Variants in EFR3A observed in about 807,000 individuals in gnomAD.
EFR3A encodes the protein protein EFR3 homolog A.
In EFR3A, 76 loss-of-function variants were observed where a neutral mutation model predicts 104.4. That is an observed-to-expected ratio of 0.73 (90% CI 0.60 to 0.88). EFR3A has a LOEUF of 0.88. Among genes scored for constraint, EFR3A ranks in the 40% least tolerant of loss-of-function variants. The pLI is 0.00. For missense variants in EFR3A, 985 were observed against 1,012.5 expected (o/e 0.97, Z 0.37); for synonymous variants, 330 against 330.0 (o/e 1.00, Z 0.00).
At chr8:131,945,260 G>GC (rs1400003748) in intron 3 of EFR3A, among the ~76,000 whole-genome samples, 2 of 151,712 alleles carry the variant, frequency 1.3e-5, no homozygotes, top group African/African-American at 4.8e-5. Context: ...TTTTCACACA[G>GC]CTTCAGTTTT....
chr8:131,955,919 G>A lies in EFR3A; in HGVS notation c.776+14G>A. 1.2e-6 allele frequency: 2 copies of A among 1,610,474 alleles called. No individual in the cohort carries two copies. Among genetic ancestry groups the A allele is most frequent in the Non-Finnish European group, 1.7e-6 (2 of 1,177,876 alleles). ...ACCAGTTTTTGCGTAAGTAGTTGGT[G>A]TTTTCCTGGTTATTTGTGATTTTGC... is the stretch of plus-strand genomic sequence containing the variant. On this transcript the variant is annotated intron_variant, in intron 7 of 22. Transcript: ENST00000254624.
At chr8:131,945,615 T>C (rs1415779611) in intron 3 of EFR3A, among the ~76,000 whole-genome samples, 4 of 152,044 alleles carry the variant, frequency 2.6e-5, no homozygotes, top group African/African-American at 9.7e-5. Flanking sequence ...ATCCAAAGAC[T>C]GAATTTTAAT....
rs762663566 is a variant in EFR3A, at chr8:131,956,677, G to A, written c.776+772G>A. On this transcript the variant is annotated intron_variant, in intron 7 of 22. Coordinates refer to ENST00000254624, the MANE Select transcript of EFR3A (RefSeq NM_015137.6). ...AATTCTTTATTTAGGACAGATGGATGTTCTTAGCCTAGAGTTCAAAGTTGA... is the reference window on the plus strand; with the variant it reads ...AATTCTTTATTTAGGACAGATGGATATTCTTAGCCTAGAGTTCAAAGTTGA... 5.3e-5 allele frequency among the ~76,000 whole-genome samples: 8 copies of A among 152,242 alleles called. No individual in the cohort carries two copies. The South Asian group carries it at 1.0e-3, about 20-fold the overall frequency.
chr8:131,904,286 GC>G lies in EFR3A; in HGVS notation c.-26del, dbSNP rs1816126871. 2 of 1,270,986 alleles carry G rather than the reference GC, an allele frequency of 1.6e-6. No individual in the cohort carries two copies. Among genetic ancestry groups the G allele is most frequent in the Admixed American group, 8.0e-5 (2 of 24,946 alleles). 78.7% of individuals were successfully genotyped at this position (1,270,986 alleles called of 1,614,324 possible). A position where few individuals can be genotyped will look rare whatever the true frequency, so the allele number is the denominator to read the frequency against. On this transcript the variant is annotated 5_prime_UTR_variant, in exon 1 of 23. Transcript: ENST00000254624. ...CTGCGCGGCCCCGCTGAGCCTCGGT[GC>G]GGCGGCGAGCGCGGTCGAGATCGCC...
chr8:131,915,546 G>T (rs1307801082), intron 1 of EFR3A, among the ~76,000 whole-genome samples: 3 of 152,204 alleles, frequency 2.0e-5, no homozygotes, highest in Non-Finnish European at 4.4e-5. Context: ...TTATAGAAGG[G>T]TATAAATTGC....
chr8:131,987,531 A>G lies in EFR3A; in HGVS notation c.1938-44A>G, dbSNP rs954465804. On this transcript the variant is annotated intron_variant, in intron 17 of 22. Coordinates refer to ENST00000254624, the MANE Select transcript of EFR3A (RefSeq NM_015137.6). The stretch of plus-strand genomic sequence containing the variant: ...TTTGCATAGTAACTTATTTTTGCTC[A>G]GTAATTTAATACTGAATGATTGTTG... 3.9e-6 allele frequency: 6 copies of G among 1,540,558 alleles called. No individual in the cohort carries two copies. In the African/African-American group the frequency reaches 8.3e-5, roughly 21 times the overall value.
intron 22 of EFR3A, among the ~76,000 whole-genome samples, chr8:132,010,060 A>G (rs972176525): frequency 2.0e-5 from 3 of 152,044 alleles, no homozygotes; most frequent in Non-Finnish European, 4.4e-5. Flanking sequence ...TACCATTAAT[A>G]GTAACATAGA....
intron 18 of EFR3A, among the ~76,000 whole-genome samples, chr8:131,995,042 T>C (rs1037932411): frequency 1.3e-5 from 2 of 152,150 alleles, no homozygotes; most frequent in South Asian, 4.1e-4. Context: ...AACTATGTTT[T>C]TTCAGAATCA....
rs762947894 is a variant in EFR3A, at chr8:131,984,941, A to G, written c.1750A>G (p.Ile584Val). 3 of 1,613,464 alleles carry G rather than the reference A, an allele frequency of 1.9e-6. No homozygotes were observed. Among genetic ancestry groups the G allele is most frequent in the Admixed American group, 1.7e-5 (1 of 59,962 alleles). ...TTTCTTATTAAAGGACAGTGCAATTATCAATGAGGATAATTTGCCAATGTT... is the reference window on the plus strand; with the variant it reads ...TTTCTTATTAAAGGACAGTGCAATTGTCAATGAGGATAATTTGCCAATGTT... ...LAIALQDSAI[I>V]NEDNLPMFHR... Residue 584 changes from isoleucine (I) to valine (V), a missense_variant, in exon 16 of 23, where the codon ATC (isoleucine) becomes GTC (valine). Ile to Val is a conservative substitution (Grantham distance 29). Transcript: ENST00000254624.
intron 1 of EFR3A, among the ~76,000 whole-genome samples, chr8:131,922,190 T>G (rs959684210): frequency 1.3e-5 from 2 of 152,188 alleles, no homozygotes; most frequent in Non-Finnish European, 2.9e-5. Flanking sequence ...TCTTTCTTTT[T>G]TCTTATAAGG....
At chr8:131,932,036 C>T (rs1245160281) in intron 1 of EFR3A, among the ~76,000 whole-genome samples, 1 of 152,012 alleles carries the variant, frequency 6.6e-6, no homozygotes. Context: ...ATATAAATTC[C>T]TTTGAAGCTT....
chr8:131,909,425 T>C (rs1816407131), intron 1 of EFR3A, among the ~76,000 whole-genome samples: 1 of 152,076 alleles, frequency 6.6e-6, no homozygotes, highest in Non-Finnish European at 1.5e-5. Flanking sequence ...TACATGCCTA[T>C]AGTCCTAGCT....
intron 1 of EFR3A, among the ~76,000 whole-genome samples, chr8:131,905,890 G>A (rs766051434): frequency 6.6e-6 from 1 of 152,180 alleles, no homozygotes; most frequent in Non-Finnish European, 1.5e-5. Context: ...ATGTTCTAGG[G>A]TTATCTAGCT....
chr8:131,996,162 C>T (rs1476772186), intron 18 of EFR3A, among the ~76,000 whole-genome samples: 1 of 151,952 alleles, frequency 6.6e-6, no homozygotes, highest in Non-Finnish European at 1.5e-5. Context: ...CCTAAATGCC[C>T]CTTTTTGAAA....
At chr8:131,976,520 G>A (rs1242594797) in intron 11 of EFR3A, among the ~76,000 whole-genome samples, 1 of 152,086 alleles carries the variant, frequency 6.6e-6, no homozygotes, top group African/African-American at 2.4e-5. Context: ...TAAAGATTAT[G>A]TGACCCCCTT....
intron 10 of EFR3A, among the ~76,000 whole-genome samples, chr8:131,973,674 CCATGGAACAGGG>C (rs1391185697): frequency 6.6e-6 from 1 of 151,984 alleles, no homozygotes; most frequent in Non-Finnish European, 1.5e-5. Context: ...TGTCGGTGGG[CCATGGAACAGGG>C]CTGCTATAGC....
intron 1 of EFR3A, among the ~76,000 whole-genome samples, chr8:131,933,691 C>T (rs1315939672): frequency 6.6e-6 from 1 of 151,568 alleles, no homozygotes; most frequent in African/African-American, 2.4e-5. Flanking sequence ...AACATGATTA[C>T]TAATAAGTAG....
intron 2 of EFR3A, 113 bp downstream of exon 2, chr8:131,940,688 C>A: frequency 7.0e-7 from 1 of 1,418,866 alleles, no homozygotes; most frequent in Non-Finnish European, 9.3e-7. Flanking sequence ...TACATCTCAT[C>A]ATTTATACTA....
intron 1 of EFR3A, among the ~76,000 whole-genome samples, chr8:131,933,439 A>C (rs777504113): frequency 2.1e-4 from 31 of 150,346 alleles, no homozygotes; most frequent in Non-Finnish European, 3.5e-4. Context: ...TTGCAAACTA[A>C]GCCAGGATCA....
Sources: allele counts gnomAD v4.1 joint callset (sites outside exome capture counted in the v4.1 genomes callset), GRCh38; gene constraint gnomAD v4.1.1; transcripts MANE v1.5; gene names NCBI Gene and HGNC (gene_info 2026-07-23, HGNC 2026-07-21).